NUP98: variants seen among roughly 807,000 people sequenced by gnomAD.
NUP98 encodes the protein nucleoporin 98 and 96 precursor.
Under a neutral mutation model 191.9 loss-of-function variants are expected in NUP98, and 26 were observed. The ratio of observed to expected loss-of-function variants is 0.14; its 90% confidence interval spans 0.10 to 0.19. The LOEUF is 0.19. NUP98 is among the 10% of genes least tolerant of loss of function. NUP98 has a pLI of 1.00. For missense variants in NUP98, 1,941 were observed against 2,178.8 expected, an observed-to-expected ratio of 0.89 and a Z score of 2.17; for synonymous variants, 808 against 778.4, an observed-to-expected ratio of 1.04 and a Z score of -0.63.
chr11:3,699,190 T>C lies in NUP98; in HGVS notation c.3901A>G (p.Ile1301Val), dbSNP rs769943756. Reference sequence around the variant, plus strand: ...TGGGTTAAGGAGACTTCCTCTTCAATCTGAGGTGTGGCAGTACAGGATAGC... The same window carrying C: ...TGGGTTAAGGAGACTTCCTCTTCAACCTGAGGTGTGGCAGTACAGGATAGC... ...RWLSCTATPQ[I>V]EEEVSLTQKN... is the part of the protein sequence containing the mutation. Residue 1301 changes from isoleucine (I) to valine (V), a missense_variant, in exon 25 of 33, where the codon ATT becomes GTT. Physicochemically the swap from Ile to Val is conservative, Grantham distance 29 (BLOSUM62 3). Around this residue, in one of 6 missense-constraint regions of NUP98, gnomAD observed 1,030 missense variants for 1,115.8 expected, o/e 0.92. Coordinates refer to ENST00000324932, the MANE Select transcript of NUP98 (RefSeq NM_016320.5). The C allele has an allele frequency of 2.5e-6, 4 of 1,614,154 alleles. No individual in the cohort carries two copies. The South Asian group carries it at 3.3e-5, about 13-fold the overall frequency.
chr11:3,701,569 T>A (rs1349702020), intron 23 of NUP98, among the ~76,000 whole-genome samples: 1 of 152,018 alleles, frequency 6.6e-6, no homozygotes, highest in Non-Finnish European at 1.5e-5. Context: ...ATTTTTAAGA[T>A]TGATATTAAT....
intron 28 of NUP98, among the ~76,000 whole-genome samples, chr11:3,689,431 G>A (rs1242264438): frequency 6.6e-6 from 1 of 151,926 alleles, no homozygotes; most frequent in Non-Finnish European, 1.5e-5. Context: ...GGAGGCTGAG[G>A]CAGGAGAATG....
chr11:3,759,245 C>T (rs1482569348), intron 10 of NUP98, among the ~76,000 whole-genome samples: 1 of 152,170 alleles, frequency 6.6e-6, no homozygotes, highest in Non-Finnish European at 1.5e-5. Flanking sequence ...ATAAACTTCC[C>T]ATATCTGATC....
intron 26 of NUP98, 79 bp downstream of exon 26, chr11:3,695,370 C>A (rs547300872): frequency 1.6e-6 from 2 of 1,285,302 alleles, no homozygotes; most frequent in South Asian, 2.0e-5. Flanking sequence ...TTACAAAGAT[C>A]ACTCCTTGCC....
At chr11:3,700,075 G>A (rs1250474070) in intron 24 of NUP98, among the ~76,000 whole-genome samples, 1 of 152,098 alleles carries the variant, frequency 6.6e-6, no homozygotes, top group African/African-American at 2.4e-5. Context: ...GCAAGAAGGG[G>A]CCGGGCTCGA....
At position 3,698,994 on chromosome 11, in the gene NUP98, A is replaced by C. The variant is rs748413533; in HGVS notation, c.4009+88T>G. 2.2e-4 allele frequency: 323 copies of C among 1,476,046 alleles called. 3 individuals carry two copies. The highest frequency in any genetic ancestry group is 5.3e-5 in the Non-Finnish European group (57 of 1,077,804). 91.4% of individuals were successfully genotyped at this position (1,476,046 alleles called of 1,614,324 possible). ...TTAATACTCATAGGCTAGAAGCCAA[A>C]GGGAAATGCACAATTAGCGGGGAGC... On this transcript the variant is annotated intron_variant, in intron 25 of 32. Transcript: ENST00000324932.
chr11:3,680,240 C>A (rs2077942336), intron 30 of NUP98, among the ~76,000 whole-genome samples: 1 of 152,178 alleles, frequency 6.6e-6, no homozygotes, highest in South Asian at 2.1e-4. Flanking sequence ...AAGTAATATT[C>A]CATATCCTTT....
intron 16 of NUP98, 86 bp from the exon 17 acceptor site, chr11:3,720,911 C>T (rs1313610289): frequency 6.3e-6 from 4 of 631,836 alleles, no homozygotes; most frequent in South Asian, 1.9e-5. Context: ...GAAAATATAT[C>T]AGAATGAAGA....
chr11:3,720,832 C>CAAAAAAAAAAAAAAAAAAAACAAAAAAAA lies in NUP98; in HGVS notation c.2147-8_2147-7insTTTTTTTTGTTTTTTTTTTTTTTTTTTTT. On this transcript the variant is annotated splice_polypyrimidine_tract_variant and splice_region_variant and intron_variant, in intron 16 of 32. Transcript: ENST00000324932. Reference sequence around the variant, plus strand: ...ACCTTAGTGAGAATAATACCTGTGACAAAAAAAAAAAAAAAAACAGAAAAA... The same window carrying CAAAAAAAAAAAAAAAAAAAACAAAAAAAA: ...ACCTTAGTGAGAATAATACCTGTGACAAAAAAAAAAAAAAAAAAAACAAAAAAAAAAAAAAAAAAAAAAAAACAGAAAAA... 2.7e-6 allele frequency: 1 copy of CAAAAAAAAAAAAAAAAAAAACAAAAAAAA among 374,286 alleles called. No homozygotes were observed. Among genetic ancestry groups the CAAAAAAAAAAAAAAAAAAAACAAAAAAAA allele is most frequent in the Non-Finnish European group, 4.5e-6 (1 of 224,542 alleles). The allele number at this position is 374,286 out of a possible 1,614,324, so 23.2% of individuals were successfully genotyped here. A position where few individuals can be genotyped will look rare whatever the true frequency, so the allele number is the denominator to read the frequency against.
chr11:3,756,101 GCAT>G (rs1258393587), intron 10 of NUP98, among the ~76,000 whole-genome samples: 4 of 152,118 alleles, frequency 2.6e-5, no homozygotes, highest in Non-Finnish European at 5.9e-5. Context: ...GCCTACTCAA[GCAT>G]CATCAATTTT....
rs546902783 is a variant in NUP98 at position 3,693,135 on chromosome 11, A to G, written c.4311+97T>C. On this transcript the variant is annotated intron_variant, in intron 27 of 32. Coordinates refer to ENST00000324932, the MANE Select transcript of NUP98 (RefSeq NM_016320.5). Reference sequence around the variant, plus strand: ...GTAGCCTTGTCCAGAGGAAGGAGTAAAGGATAGTTTCCCATCAGATTTCCT... The same window carrying G: ...GTAGCCTTGTCCAGAGGAAGGAGTAGAGGATAGTTTCCCATCAGATTTCCT... 4 of 1,229,618 alleles carry G rather than the reference A, an allele frequency of 3.3e-6. No individual in the cohort carries two copies. In the South Asian group the frequency reaches 4.0e-5, roughly 12 times the overall value. The allele number at this position is 1,229,618 out of a possible 1,614,324, so 76.2% of individuals were successfully genotyped here.
At chr11:3,785,847 A>C (rs1024198653) in intron 1 of NUP98, among the ~76,000 whole-genome samples, 1 of 152,190 alleles carries the variant, frequency 6.6e-6, no homozygotes, top group Non-Finnish European at 1.5e-5. Flanking sequence ...AAAATGTAGT[A>C]AAATCCATTA....
chr11:3,787,279 G>A (rs1303347216), intron 1 of NUP98, among the ~76,000 whole-genome samples: 1 of 152,188 alleles, frequency 6.6e-6, no homozygotes, highest in Non-Finnish European at 1.5e-5. Flanking sequence ...CCCTTGGTTA[G>A]AACATCATAT....
At chr11:3,796,237 T>C (rs2082553904) in intron 1 of NUP98, among the ~76,000 whole-genome samples, 1 of 152,220 alleles carries the variant, frequency 6.6e-6, no homozygotes, top group African/African-American at 2.4e-5. Context: ...TTGAATTCTG[T>C]ACCTGAAAGG....
Position 3,686,182 on chromosome 11 carries a change from G to A in NUP98, c.4467C>T (p.Leu1489=). The A allele has an allele frequency of 6.2e-7, 1 of 1,614,226 alleles. No individual in the cohort carries two copies. Residue 1489 remains leucine (L), a synonymous_variant, in exon 29 of 33, where the codon CTC becomes CTT. Coordinates refer to ENST00000324932, the MANE Select transcript of NUP98 (RefSeq NM_016320.5). Reference sequence around the variant, plus strand: ...TGCTTCGAGGCTCCAGCAGCTGGTTGAGATCATAATGTCTGCAAAGAACGT... The same window carrying A: ...TGCTTCGAGGCTCCAGCAGCTGGTTAAGATCATAATGTCTGCAAAGAACGT... ...LKLYSDRHYD[L]NQLLEPRSIT... is the part of the protein sequence containing the mutation.
At chr11:3,726,412 T>C (rs1283333149) in intron 14 of NUP98, among the ~76,000 whole-genome samples, 2 of 130,888 alleles carry the variant, frequency 1.5e-5, no homozygotes, top group African/African-American at 2.5e-5. Context: ...AGTTAGTTCT[T>C]TGAAGTTACC....
At position 3,723,312 on chromosome 11, in the gene NUP98, C is replaced by A. The variant is rs535003331; in HGVS notation, c.1991G>T (p.Ser664Ile). Residue 664 changes from serine (S) to isoleucine (I), a missense_variant, in exon 16 of 33, where the codon AGC becomes ATC. Physicochemically the swap from Ser to Ile is moderately radical, Grantham distance 142. Around this residue, in one of 6 missense-constraint regions of NUP98, gnomAD observed 453 missense variants for 438.2 expected, o/e 1.03. Coordinates refer to ENST00000324932, the MANE Select transcript of NUP98 (RefSeq NM_016320.5). ...AACAATGGTATCATCCACACTGTTG[C>A]TGTTGCTGTGTTTATTTCCAGCACT... Reference protein sequence around the residue: ...PESAGNKHSNSNSVDDTIVAL... With the variant: ...PESAGNKHSNINSVDDTIVAL... The A allele has an allele frequency of 2.5e-6, 4 of 1,614,104 alleles. No individual in the cohort carries two copies. The South Asian group carries it at 4.4e-5, about 18-fold the overall frequency.
At chr11:3,786,122 C>G (rs1370038377) in intron 1 of NUP98, among the ~76,000 whole-genome samples, 1 of 152,216 alleles carries the variant, frequency 6.6e-6, no homozygotes, top group Non-Finnish European at 1.5e-5. Context: ...GCACAAGAAT[C>G]TATTTGCCCA....
chr11:3,779,110 ATACTAGC>A, intron 3 of NUP98, 39 bp downstream of exon 3: 1 of 1,612,666 alleles, frequency 6.2e-7, no homozygotes, highest in Non-Finnish European at 8.5e-7. Context: ...GTCAATTCCT[ATACTAGC>A]TACAAACAAA....
Sources: gnomAD v4.1 joint callset for allele counts (sites outside exome capture counted in the v4.1 genomes callset) on GRCh38, gnomAD v4.1.1 for gene constraint, gnomAD v4.1.1 regional missense constraint, MANE v1.5 for transcripts, NCBI Gene and HGNC (gene_info 2026-07-23, HGNC 2026-07-21) for gene names.